MAF: variants seen among roughly 807,000 people sequenced by gnomAD.
MAF encodes the protein MAF bZIP transcription factor, also known as transcription factor Maf.
A neutral mutation model predicts 22.0 loss-of-function variants in MAF; 10 were observed. The ratio of observed to expected loss-of-function variants is 0.45; its 90% CI spans 0.28 to 0.77. The LOEUF is 0.77. Ranked by LOEUF, MAF falls within the 30% of genes least tolerant of loss-of-function variation. MAF has a pLI of 0.12. For missense variants in MAF, 544 were observed against 548.4 expected (o/e 0.99, Z 0.08); for synonymous variants, 337 against 255.8 (o/e 1.32, Z -3.03).
chr16:79,522,161 C>T, the MAF span, among the ~76,000 whole-genome samples: 2 of 152,192 alleles, frequency 1.3e-5, no homozygotes, highest in African/African-American at 4.8e-5. Flanking sequence ...CTCAAGAACA[C>T]ACAGCTACTT....
chr16:79,267,662 C>G, the MAF span, among the ~76,000 whole-genome samples: 1 of 152,166 alleles, frequency 6.6e-6, no homozygotes, highest in African/African-American at 2.4e-5. Context: ...TTGGGCAAGA[C>G]ACTTCATCTT....
At chr16:79,598,563 A>C (rs984291283) in intron 1 of MAF, 13 of 1,437,006 alleles carry the variant, frequency 9.0e-6, no homozygotes, top group Non-Finnish European at 1.2e-5. Context: ...CACCACCACA[A>C]ACTCGAGCAG....
chr16:79,420,942 G>A, the MAF span, among the ~76,000 whole-genome samples: 1 of 152,046 alleles, frequency 6.6e-6, no homozygotes, highest in Non-Finnish European at 1.5e-5. Context: ...GCTGAGACAG[G>A]AGAATCGCTG....
At chr16:79,566,912 A>T in the MAF span, among the ~76,000 whole-genome samples, 7 of 152,164 alleles carry the variant, frequency 4.6e-5, no homozygotes, top group African/African-American at 1.4e-4. Flanking sequence ...AGAAAAATGG[A>T]CTTGGATAGA....
the MAF span, among the ~76,000 whole-genome samples, chr16:79,337,439 G>T: frequency 6.6e-6 from 1 of 152,018 alleles, no homozygotes; most frequent in Non-Finnish European, 1.5e-5. Flanking sequence ...GTGTGGTGGC[G>T]CACCTCTAGT....
chr16:79,211,575 A>T, the MAF span: 2 of 1,613,996 alleles, frequency 1.2e-6, no homozygotes, highest in Non-Finnish European at 1.7e-6. Context: ...CTTTTCTTAA[A>T]ATTTTTTTTT....
chr16:79,595,299 T>C, intron 1 of MAF: 2 of 1,049,176 alleles, frequency 1.9e-6, no homozygotes, highest in Non-Finnish European at 2.3e-6. Flanking sequence ...ACTGTCTTCG[T>C]GTTTTGTAAA....
chr16:79,285,647 A>T, the MAF span, among the ~76,000 whole-genome samples: 1 of 152,052 alleles, frequency 6.6e-6, no homozygotes, highest in African/African-American at 2.4e-5. Context: ...AGGGGTGGGG[A>T]ATCCATTACT....
the MAF span, among the ~76,000 whole-genome samples, chr16:79,546,803 T>C: frequency 6.6e-6 from 1 of 152,180 alleles, no homozygotes; most frequent in African/African-American, 2.4e-5. Context: ...ATAAAGAGTT[T>C]AACCCAACAA....
At chr16:79,330,201 G>A in the MAF span, among the ~76,000 whole-genome samples, 3 of 152,206 alleles carry the variant, frequency 2.0e-5, no homozygotes, top group Admixed American at 1.3e-4. Context: ...CCAATTTTAT[G>A]GTTCAACATT....
chr16:79,534,001 G>A, the MAF span, among the ~76,000 whole-genome samples: 1 of 152,206 alleles, frequency 6.6e-6, no homozygotes, highest in Non-Finnish European at 1.5e-5. Flanking sequence ...CTCACCTGAA[G>A]GCCTCACTGT....
At chr16:79,251,552 G>A in the MAF span, among the ~76,000 whole-genome samples, 1 of 151,904 alleles carries the variant, frequency 6.6e-6, no homozygotes, top group Non-Finnish European at 1.5e-5. Flanking sequence ...CCTGACCTCA[G>A]GTGATCCATT....
chr16:79,305,113 C>T, the MAF span, among the ~76,000 whole-genome samples: 4 of 152,306 alleles, frequency 2.6e-5, no homozygotes, highest in South Asian at 2.1e-4. Context: ...TGTATTAGAA[C>T]GTCCAAAGAA....
chr16:79,313,078 C>T, the MAF span, among the ~76,000 whole-genome samples: 777 of 152,198 alleles, frequency 5.1e-3, 9 homozygotes, highest in African/African-American at 0.018. Flanking sequence ...TGCACTTCTG[C>T]GCCTCGGTTT....
At chr16:79,411,645 G>T in the MAF span, among the ~76,000 whole-genome samples, 1 of 152,188 alleles carries the variant, frequency 6.6e-6, no homozygotes, top group Middle Eastern at 3.2e-3. Flanking sequence ...ATTTAGCTGT[G>T]TGATGCCAGA....
chr16:79,232,837 C>CTT, the MAF span, among the ~76,000 whole-genome samples: 385 of 113,804 alleles, frequency 3.4e-3, 3 homozygotes, highest in African/African-American at 8.4e-3. Context: ...ATAAGCCATT[C>CTT]TTTTTTTTTT....
At chr16:79,307,073 A>G in the MAF span, among the ~76,000 whole-genome samples, 1 of 152,174 alleles carries the variant, frequency 6.6e-6, no homozygotes, top group African/African-American at 2.4e-5. Context: ...TGCAAAATGG[A>G]TCCCAAAAAC....
downstream of MAF, among the ~76,000 whole-genome samples, chr16:79,585,459 G>A (rs965690990): frequency 1.3e-5 from 2 of 151,938 alleles, no homozygotes; most frequent in Admixed American, 6.6e-5. Context: ...GGTAAAACCG[G>A]CCAAGGGCGA....
At chr16:79,237,878 C>T in the MAF span, among the ~76,000 whole-genome samples, 1 of 152,050 alleles carries the variant, frequency 6.6e-6, no homozygotes, top group Non-Finnish European at 1.5e-5. Flanking sequence ...TGTGAGGGAC[C>T]CCTGGTCTAG....
Sources: gnomAD v4.1 joint callset for allele counts (sites outside exome capture counted in the v4.1 genomes callset) on GRCh38, gnomAD v4.1.1 for gene constraint, MANE v1.5 for transcripts, NCBI Gene and HGNC (gene_info 2026-07-23, HGNC 2026-07-21) for gene names.